The following C5orf22 variants were observed in gnomAD, a reference collection of about 807,000 sequenced individuals.
C5orf22 encodes UPF0489 protein C5orf22.
A neutral mutation model predicts 48.7 loss-of-function variants in C5orf22; 36 were observed. The observed-to-expected ratio is 0.74, with a 90% confidence interval of 0.57 to 0.98. The LOEUF is 0.98. C5orf22 is among the 50% of genes least tolerant of loss of function. The probability of loss-of-function intolerance (pLI) is 0.00; values close to 1 mark genes in which losing one functional copy is unlikely to be tolerated. For synonymous variants in C5orf22, 141 were observed against 180.8 expected, an observed-to-expected ratio of 0.78 and a Z score of 1.76; for missense variants, 486 against 521.9, an observed-to-expected ratio of 0.93 and a Z score of 0.67.
rs777676452 is a variant in C5orf22 at position 31,534,287 on chromosome 5, T to A, written c.97T>A (p.Tyr33Asn). The A allele has an allele frequency of 4.3e-6, 7 of 1,613,590 alleles. No homozygotes were observed. Among genetic ancestry groups the A allele is most frequent in the Non-Finnish European group, 1.7e-6 (2 of 1,179,740 alleles). The change falls in exon 2 of 9, where the codon TAC becomes AAC. Residue 33 changes from tyrosine to asparagine, a missense_variant. This residue lies in a region of C5orf22 where 74 missense variants were observed against 61.2 expected (regional missense o/e 1.21). Transcript: ENST00000325366. ...EDHQEVLPFI[Y>N]RAIGSKHLPA... Reference sequence around the variant, plus strand: ...TCTTTTACAGGTTCTACCCTTTATATACCGGGCCATAGGCTCAAAGCATCT... The same window carrying A: ...TCTTTTACAGGTTCTACCCTTTATAAACCGGGCCATAGGCTCAAAGCATCT...
At chr5:31,540,594 G>A (rs1206265115) in intron 4 of C5orf22, among the ~76,000 whole-genome samples, 2 of 152,094 alleles carry the variant, frequency 1.3e-5, no homozygotes, top group Non-Finnish European at 2.9e-5. Context: ...TTAGATCCTA[G>A]GACATGGCAT....
chr5:31,538,687 CA>C lies in C5orf22; in HGVS notation c.806del (p.Gln269ArgfsTer20). On this transcript the variant is annotated frameshift_variant and splice_region_variant, in exon 4 of 9. Coordinates refer to ENST00000325366, the MANE Select transcript of C5orf22 (RefSeq NM_018356.3). LOFTEE classifies it high-confidence loss of function. ...GAATCCCTTCAAAGAAATGTTCACT[CA>C]GGTAAATAATTGTGTTTTTAACACA... ...VKNPFKEMFTQEEYKILQELY... is the reference protein window; with the variant it reads ...VKNPFKEMFTXEEYKILQELY... 1 of 1,604,586 alleles carries C rather than the reference CA, an allele frequency of 6.2e-7. No individual in the cohort carries two copies. Among genetic ancestry groups the C allele is most frequent in the Non-Finnish European group, 8.5e-7 (1 of 1,173,882 alleles).
rs770062787 is a variant in C5orf22, at chr5:31,553,558, G to A, written c.*656G>A. 9 of 150,884 alleles carry A rather than the reference G, an allele frequency of 6.0e-5. No homozygotes were observed. The highest frequency in any genetic ancestry group is 9.7e-5 in the African/African-American group (4 of 41,038). 9.3% of individuals were successfully genotyped at this position (150,884 alleles called of 1,614,324 possible). A position where few individuals can be genotyped will look rare whatever the true frequency, so the allele number is the denominator to read the frequency against. ...GGGCACAAGCAATCCACCTGCCTTC[G>A]CCTCCCGAAGTGCTGGGATTACAGA... On this transcript the variant is annotated 3_prime_UTR_variant, in exon 9 of 9. Transcript: ENST00000325366.
At chr5:31,539,576 A>G (rs2150073822) in intron 4 of C5orf22, among the ~76,000 whole-genome samples, 1 of 152,354 alleles carries the variant, frequency 6.6e-6, no homozygotes, top group East Asian at 1.9e-4. Flanking sequence ...ATTCAGTGGC[A>G]GTTATTCCTT....
intron 7 of C5orf22, among the ~76,000 whole-genome samples, chr5:31,549,456 T>C (rs1408430611): frequency 1.3e-5 from 2 of 148,792 alleles, no homozygotes; most frequent in Non-Finnish European, 3.0e-5. Flanking sequence ...ACTTAAACTT[T>C]TTTGTTTAAC....
chr5:31,546,067 C>T (rs528166097), intron 7 of C5orf22, among the ~76,000 whole-genome samples: 4 of 152,108 alleles, frequency 2.6e-5, no homozygotes, highest in South Asian at 4.1e-4. Flanking sequence ...CTGCCTTCTG[C>T]CTTCCTTCTT....
intron 6 of C5orf22, among the ~76,000 whole-genome samples, chr5:31,542,464 T>C (rs1274615648): frequency 2.2e-5 from 1 of 45,104 alleles, no homozygotes; most frequent in Non-Finnish European, 6.4e-5. Context: ...TGAGACTCCG[T>C]CTCAAAAAAA....
intron 5 of C5orf22, 94 bp downstream of exon 5, chr5:31,541,105 AGTGTGTGTGTGTGT>A (rs35650579): frequency 4.0e-4 from 274 of 677,196 alleles, no homozygotes; most frequent in African/African-American, 3.1e-3. Context: ...GACTGCTCAA[AGTGTGTGTGTGTGT>A]GTGTGTGTGT....
intron 4 of C5orf22, among the ~76,000 whole-genome samples, chr5:31,539,374 T>G (rs1742311158): frequency 6.6e-6 from 1 of 152,224 alleles, no homozygotes; most frequent in Non-Finnish European, 1.5e-5. Context: ...CAGCACTCTC[T>G]TATCCCCATT....
intron 6 of C5orf22, among the ~76,000 whole-genome samples, chr5:31,541,767 C>CA (rs1244362783): frequency 2.6e-5 from 4 of 151,530 alleles, no homozygotes; most frequent in Admixed American, 1.3e-4. Context: ...AGACTTGTCT[C>CA]AAAAAAGAGA....
In C5orf22 at chr5:31,552,978, C is replaced by A; in HGVS notation, c.*76C>A. The A allele has an allele frequency of 7.7e-7, 1 of 1,301,532 alleles. No individual in the cohort carries two copies. The highest frequency in any genetic ancestry group is 1.1e-6 in the Non-Finnish European group (1 of 925,094). The allele number at this position is 1,301,532 out of a possible 1,614,324, so 80.6% of individuals were successfully genotyped here. A position where few individuals can be genotyped will look rare whatever the true frequency, so the allele number is the denominator to read the frequency against. On this transcript the variant is annotated 3_prime_UTR_variant, in exon 9 of 9. Transcript: ENST00000325366. ...TTAATTAACTTATTTGTACATGAGT[C>A]TTCCAGAGAACACTGTTTTATATTA...
At position 31,538,587 on chromosome 5, in the gene C5orf22, T is replaced by C. The variant is rs1370225163; in HGVS notation, c.705T>C (p.Thr235=). 1.2e-6 allele frequency: 2 copies of C among 1,614,126 alleles called. No homozygotes were observed. The highest frequency in any genetic ancestry group is 4.5e-5 in the East Asian group (2 of 44,880). ...AGGAATGCCAGACTGCTGCCAGCAC[T>C]GGGGAAATTCTGGAAATTTTGAAGA... ...ENQECQTAAS[T]GEILEILKKG... is the part of the protein sequence containing the mutation. Residue 235 remains threonine (T), a synonymous_variant, in exon 4 of 9, where the codon ACT becomes ACC. Coordinates refer to ENST00000325366, the MANE Select transcript of C5orf22 (RefSeq NM_018356.3).
rs1451480178 is a variant in C5orf22 at position 31,545,686 on chromosome 5, C to T, written c.1033C>T (p.Arg345Trp). ...TCCCCTTGTACAGAGTTTGAAAAAA[C>T]GGATGGAAGTACCAGACTATGAAAT... is the stretch of plus-strand genomic sequence containing the variant. Reference protein sequence around the residue: ...LVPLVQSLKKRMEVPDYEMVH... With the variant: ...LVPLVQSLKKWMEVPDYEMVH... The change falls in exon 7 of 9, where the codon CGG becomes TGG. Residue 345 changes from arginine to tryptophan, a missense_variant. Transcript: ENST00000325366. The T allele has an allele frequency of 1.7e-5, 28 of 1,609,148 alleles. No homozygotes were observed. The highest frequency in any genetic ancestry group is 1.1e-4 in the East Asian group (5 of 44,672).
In C5orf22 at chr5:31,538,192, C is replaced by T. The variant is rs75425297; in HGVS notation, c.378-68C>T. ...AAATAGGTCCGTTCTTATATTTCTGCCATACCATAGTGAAATGTCAACTGA... is the reference window on the plus strand; with the variant it reads ...AAATAGGTCCGTTCTTATATTTCTGTCATACCATAGTGAAATGTCAACTGA... On this transcript the variant is annotated intron_variant, in intron 3 of 8. Coordinates refer to ENST00000325366, the MANE Select transcript of C5orf22 (RefSeq NM_018356.3). The T allele has an allele frequency of 5.1e-3, 5,899 of 1,156,236 alleles. 35 individuals carry two copies. The highest frequency in any genetic ancestry group is 0.019 in the South Asian group (1,249 of 65,830). The allele number at this position is 1,156,236 out of a possible 1,614,324, so 71.6% of individuals were successfully genotyped here.
intron 6 of C5orf22, among the ~76,000 whole-genome samples, chr5:31,544,560 G>A (rs1408630155): frequency 6.6e-6 from 1 of 151,818 alleles, no homozygotes; most frequent in Non-Finnish European, 1.5e-5. Context: ...CTCCAGCCTG[G>A]GCAACAGAGT....
intron 7 of C5orf22, among the ~76,000 whole-genome samples, chr5:31,548,988 A>G (rs1312786299): frequency 6.6e-6 from 1 of 151,966 alleles, no homozygotes; most frequent in Non-Finnish European, 1.5e-5. Flanking sequence ...GGGAGGCCGA[A>G]GCGAGCAGAT....
intron 5 of C5orf22, 94 bp downstream of exon 5, chr5:31,541,105 A>AGTGTGTGTGTGTGTGT (rs35650579): frequency 1.5e-5 from 10 of 677,110 alleles, no homozygotes; most frequent in East Asian, 8.6e-5. Flanking sequence ...GACTGCTCAA[A>AGTGTGTGTGTGTGTGT]GTGTGTGTGT....
At chr5:31,535,600 A>G (rs940753935) in intron 2 of C5orf22, 144 bp from the exon 3 acceptor site, 8 of 567,060 alleles carry the variant, frequency 1.4e-5, no homozygotes, top group African/African-American at 9.7e-5. Context: ...TAGTTTTGTA[A>G]TAGTGATGTC....
At position 31,538,552 on chromosome 5, in the gene C5orf22, T is replaced by G. The variant is rs1202954854; in HGVS notation, c.670T>G (p.Ser224Ala). Residue 224 changes from serine to alanine, a missense_variant, in exon 4 of 9, where the codon TCT becomes GCT. This residue lies in a region of C5orf22 where 408 missense variants were observed against 444.0 expected (regional missense o/e 0.92). Transcript: ENST00000325366. ...TCLEPSCSCS[S>A]ENQECQTAAS... ...CCTAGAACCATCATGTTCATGTTCT[T>G]CTGAAAATCAGGAATGCCAGACTGC... 1.2e-6 allele frequency: 2 copies of G among 1,614,124 alleles called. No individual in the cohort carries two copies. Among genetic ancestry groups the G allele is most frequent in the Non-Finnish European group, 1.7e-6 (2 of 1,180,000 alleles).
Sources: gnomAD v4.1 joint callset for allele counts (sites outside exome capture counted in the v4.1 genomes callset) on GRCh38, gnomAD v4.1.1 for gene constraint, gnomAD v4.1.1 regional missense constraint, MANE v1.5 for transcripts, NCBI Gene and HGNC (gene_info 2026-07-23, HGNC 2026-07-21) for gene names.